The following MAP2K7 variants were observed in gnomAD, a reference collection of about 807,000 sequenced individuals.
The protein encoded by MAP2K7 is dual specificity mitogen-activated protein kinase kinase 7.
In MAP2K7, 12 loss-of-function variants were observed where a neutral mutation model predicts 47.7. That is an observed-to-expected ratio of 0.25 (90% CI 0.16 to 0.41). The LOEUF (loss-of-function observed/expected upper bound fraction) is 0.41. Among genes scored for constraint, MAP2K7 ranks in the 10% least tolerant of loss-of-function variants. The pLI, the probability that MAP2K7 is intolerant of heterozygous loss-of-function variation, is 1.00. For synonymous variants in MAP2K7, 299 were observed against 243.0 expected (o/e 1.23, Z -2.14); for missense variants, 415 against 600.3 (o/e 0.69, Z 3.23).
At position 7,910,364 on chromosome 19, in the gene MAP2K7, T is replaced by A. The variant is rs373472944; in HGVS notation, c.438T>A (p.Ile146=). ...KMRFRKTGHV[I]AVKQMRRSGN... ...GCTTCCGGAAGACCGGCCACGTCAT[T>A]GCCGTTAAGGTGAGCCTTGGCGGCT... is the stretch of plus-strand genomic sequence containing the variant. Residue 146 remains isoleucine (I), a synonymous_variant, in exon 4 of 11, where the codon ATT becomes ATA. Coordinates refer to ENST00000397979, the MANE Select transcript of MAP2K7 (RefSeq NM_145185.4). 6 of 1,612,648 alleles carry A rather than the reference T, an allele frequency of 3.7e-6. No individual in the cohort carries two copies. In the African/African-American group the frequency reaches 8.0e-5, roughly 21 times the overall value.
intron 1 of MAP2K7, chr19:7,905,938 G>GC (rs138545009): frequency 0.056 from 67,325 of 1,212,648 alleles, 2,404 homozygotes; most frequent in Non-Finnish European, 0.063. Context: ...GCGTCCCCCA[G>GC]CCCCCATGCT....
At chr19:7,912,103 C>A in intron 9 of MAP2K7, 46 bp from the exon 10 acceptor site, 1 of 1,589,778 alleles carries the variant, frequency 6.3e-7, no homozygotes. Flanking sequence ...GGCCGGCATC[C>A]CCTCCTCCCT....
chr19:7,912,554 G>T lies in MAP2K7; in HGVS notation c.*123G>T, dbSNP rs1224936022. ...ACCTGGACGGCCACCTAGGACTGAGGACAGAGAGTGGGGGGTGCCCACCCA... is the reference window on the plus strand; with the variant it reads ...ACCTGGACGGCCACCTAGGACTGAGTACAGAGAGTGGGGGGTGCCCACCCA... On this transcript the variant is annotated 3_prime_UTR_variant, in exon 11 of 11. Coordinates refer to ENST00000397979, the MANE Select transcript of MAP2K7 (RefSeq NM_145185.4). The T allele has an allele frequency of 1.7e-6, 2 of 1,198,104 alleles. No individual in the cohort carries two copies. The highest frequency in any genetic ancestry group is 2.3e-6 in the Non-Finnish European group (2 of 881,996). 74.2% of individuals were successfully genotyped at this position (1,198,104 alleles called of 1,614,324 possible).
At chr19:7,909,940 G>T in intron 2 of MAP2K7, 44 bp downstream of exon 2, 1 of 1,502,360 alleles carries the variant, frequency 6.7e-7, no homozygotes. Context: ...GCAGCATTGA[G>T]GGGCCACCGT....
intron 1 of MAP2K7, chr19:7,904,515 G>A (rs1982314438): frequency 3.4e-6 from 1 of 292,424 alleles, no homozygotes; most frequent in Admixed American, 5.0e-5. Context: ...GACGATCTAC[G>A]CACACGCGCA....
In MAP2K7 at chr19:7,907,570, ACCTCTGTGG is replaced by A. The variant is rs1384117673; in HGVS notation, c.125-2177_125-2169del. ...CCTGAGCTGCCATGTGGCCATCACC[ACCTCTGTGG>A]CCTCTGTTCTCAGGGCCTTTGTGTA... On this transcript the variant is annotated intron_variant, in intron 1 of 10. Transcript: ENST00000397979. 4.6e-5 allele frequency among the ~76,000 whole-genome samples: 7 copies of A among 151,872 alleles called. No homozygotes were observed. The East Asian group carries it at 1.4e-3, about 29-fold the overall frequency.
rs1443452763 is a variant in MAP2K7 at position 7,912,335 on chromosome 19, G to A, written c.1164G>A (p.Val388=). The A allele has an allele frequency of 3.7e-5, 60 of 1,613,510 alleles. No individual in the cohort carries two copies. Among genetic ancestry groups the A allele is most frequent in the Non-Finnish European group, 5.0e-5 (59 of 1,180,012 alleles). The change falls in exon 11 of 11, where the codon GTG becomes GTA. Residue 388 remains valine, a synonymous_variant. Transcript: ENST00000397979. The stretch of plus-strand genomic sequence containing the variant: ...TCAAGCGCTACGAGACGCTGGAGGT[G>A]GACGTGGCGTCCTGGTTCAAGGATG... ...SFIKRYETLE[V]DVASWFKDVM...
intron 1 of MAP2K7, chr19:7,906,137 G>A (rs1367605086): frequency 2.0e-6 from 1 of 497,610 alleles, no homozygotes; most frequent in African/African-American, 1.9e-5. Flanking sequence ...GTGGCCTCCG[G>A]GGGTGGGGGG....
intron 1 of MAP2K7, chr19:7,906,840 A>G (rs1163103295): frequency 6.6e-6 from 1 of 152,204 alleles, no homozygotes; most frequent in East Asian, 1.9e-4. Flanking sequence ...TGACCAACAT[A>G]GAGAAACCCC....
At chr19:7,910,857 C>A in intron 6 of MAP2K7, 54 bp downstream of exon 6, 1 of 1,569,544 alleles carries the variant, frequency 6.4e-7, no homozygotes, top group South Asian at 1.2e-5. Context: ...CGGTGAGTGA[C>A]CAGGCGGGGC....
rs370603578 is a variant in MAP2K7 at position 7,911,309 on chromosome 19, A to G, written c.915A>G (p.Val305=). The G allele has an allele frequency of 3.1e-6, 5 of 1,613,296 alleles. No individual in the cohort carries two copies. Among genetic ancestry groups the G allele is most frequent in the African/African-American group, 2.7e-5 (2 of 74,974 alleles). ...CGGACTATGACATCCGGGCCGACGTATGGAGCCTGGGCATCTCGTTGGTGA... is the reference window on the plus strand; with the variant it reads ...CGGACTATGACATCCGGGCCGACGTGTGGAGCCTGGGCATCTCGTTGGTGA... ...TKPDYDIRAD[V]WSLGISLVEL... Residue 305 remains valine (V), a synonymous_variant, in exon 8 of 11, where the codon GTA becomes GTG. Transcript: ENST00000397979.
At chr19:7,905,127 C>T (rs1332719322) in intron 1 of MAP2K7, among the ~76,000 whole-genome samples, 3 of 152,124 alleles carry the variant, frequency 2.0e-5, no homozygotes, top group Non-Finnish European at 4.4e-5. Context: ...TTTTCAAACC[C>T]TGTGAACACC....
rs1452253774 is a variant in MAP2K7, at chr19:7,912,207, G to GC, written c.1125+16dup. On this transcript the variant is annotated intron_variant, in intron 10 of 10. Coordinates refer to ENST00000397979, the MANE Select transcript of MAP2K7 (RefSeq NM_145185.4). ...TAATAAGCTACTTGTGAGTACCTGA[G>GC]CCCTCCCAGTCCCCGTCCTGTCCCT... 6.2e-7 allele frequency: 1 copy of GC among 1,613,924 alleles called. No individual in the cohort carries two copies.
In MAP2K7 at chr19:7,904,206, G is replaced by A. The variant is rs1385817789; in HGVS notation, c.124+138G>A. ...TCTCCGCCCCCCCCGCTGCGGGCTC[G>A]CGGGGCGAGGGTCACGGTGACCCGG... On this transcript the variant is annotated intron_variant, in intron 1 of 10. Transcript: ENST00000397979. 8 of 726,338 alleles carry A rather than the reference G, an allele frequency of 1.1e-5. No individual in the cohort carries two copies. The Admixed American group carries it at 4.1e-4, about 37-fold the overall frequency. 45.0% of individuals were successfully genotyped at this position (726,338 alleles called of 1,614,324 possible).
chr19:7,910,009 T>C lies in MAP2K7; in HGVS notation c.267-54T>C. The C allele has an allele frequency of 5.2e-6, 8 of 1,536,822 alleles. No individual in the cohort carries two copies. In the South Asian group the frequency reaches 9.7e-5, roughly 19 times the overall value. On this transcript the variant is annotated intron_variant, in intron 2 of 10. Coordinates refer to ENST00000397979, the MANE Select transcript of MAP2K7 (RefSeq NM_145185.4). ...GGAACCCCGGTATGGGGGACTGGGG[T>C]GGCCAACCTAAGGTCAGGACCCACC...
Position 7,904,407 on chromosome 19 carries a change from G to A in MAP2K7, c.124+339G>A, listed in dbSNP as rs1394021546. The A allele has an allele frequency of 1.2e-5, 4 of 335,388 alleles. No homozygotes were observed. In the Admixed American group the frequency reaches 1.5e-4, roughly 12 times the overall value. 20.8% of individuals were successfully genotyped at this position (335,388 alleles called of 1,614,324 possible). ...ACATCCAGGTCGCCCCGAAAACACA[G>A]ACACGTCCCTGTTGACCTGATGCTA... On this transcript the variant is annotated intron_variant, in intron 1 of 10. Transcript: ENST00000397979.
chr19:7,909,919 T>A, intron 2 of MAP2K7, 23 bp downstream of exon 2: 1 of 1,501,852 alleles, frequency 6.7e-7, no homozygotes, highest in Non-Finnish European at 8.9e-7. Context: ...CCCAGCAGGG[T>A]TGGGTGGGAA....
chr19:7,907,564 A>G (rs1204526472), intron 1 of MAP2K7, among the ~76,000 whole-genome samples: 2 of 152,130 alleles, frequency 1.3e-5, no homozygotes, highest in African/African-American at 4.8e-5. Context: ...CCATGTGGCC[A>G]TCACCACCTC....
At position 7,912,562 on chromosome 19, in the gene MAP2K7, G is replaced by A. The variant is rs1316973475; in HGVS notation, c.*131G>A. On this transcript the variant is annotated 3_prime_UTR_variant, in exon 11 of 11. Coordinates refer to ENST00000397979, the MANE Select transcript of MAP2K7 (RefSeq NM_145185.4). ...GGCCACCTAGGACTGAGGACAGAGA[G>A]TGGGGGGTGCCCACCCACCCCCCCC... 1.1e-5 allele frequency: 13 copies of A among 1,136,500 alleles called. No homozygotes were observed. Among genetic ancestry groups the A allele is most frequent in the East Asian group, 1.0e-4 (4 of 38,384 alleles). 70.4% of individuals were successfully genotyped at this position (1,136,500 alleles called of 1,614,324 possible).
Sources: allele counts gnomAD v4.1 joint callset (sites outside exome capture counted in the v4.1 genomes callset), GRCh38; gene constraint gnomAD v4.1.1; transcripts MANE v1.5; gene names NCBI Gene and HGNC (gene_info 2026-07-23, HGNC 2026-07-21).